The following NRDC variants were observed in gnomAD, a reference collection of about 807,000 sequenced individuals.
The protein encoded by NRDC is nardilysin convertase.
A neutral mutation model predicts 147.1 loss-of-function variants in NRDC; 54 were observed. That is an observed-to-expected ratio of 0.37 (90% confidence interval 0.29 to 0.46). NRDC has a LOEUF of 0.46. NRDC is among the 20% of genes least tolerant of loss of function. The probability of loss-of-function intolerance (pLI) is 1.00; values close to 1 mark genes in which losing one functional copy is unlikely to be tolerated. For synonymous variants in NRDC, 440 were observed against 482.1 expected (o/e 0.91, Z 1.14); for missense variants, 1,082 against 1,370.6 (o/e 0.79, Z 3.33).
chr1:51,827,929 T>C (rs1680516247), intron 4 of NRDC, 60 bp from the exon 5 acceptor site: 1 of 1,272,712 alleles, frequency 7.9e-7, no homozygotes, highest in African/African-American at 1.5e-5. Flanking sequence ...TCAACATCTA[T>C]TATTTTAATT....
chr1:51,790,756 A>C (rs754164873), intron 28 of NRDC, 107 bp from the exon 29 acceptor site: 7 of 976,324 alleles, frequency 7.2e-6, no homozygotes, highest in Non-Finnish European at 1.1e-5. Context: ...CCAGTATAAG[A>C]GGCACGGATG....
intron 4 of NRDC, among the ~76,000 whole-genome samples, chr1:51,828,480 A>C (rs1362434924): frequency 6.6e-6 from 1 of 152,112 alleles, no homozygotes; most frequent in Non-Finnish European, 1.5e-5. Context: ...TTAAAAGTTA[A>C]ATTAGAATTT....
rs751252818 is a variant in NRDC, at chr1:51,798,426, G to GA, written c.2442-16dup. The GA allele has an allele frequency of 1.2e-4, 193 of 1,546,512 alleles. No individual in the cohort carries two copies. The highest frequency in any genetic ancestry group is 3.0e-4 in the East Asian group (13 of 43,782). ...GCCGTACATCTCTGTACAGAGGGCAGAAAAAAAACACTCAAAGTTTTGTTA... is the reference window on the plus strand; with the variant it reads ...GCCGTACATCTCTGTACAGAGGGCAGAAAAAAAAACACTCAAAGTTTTGTTA... On this transcript the variant is annotated splice_polypyrimidine_tract_variant and intron_variant, in intron 21 of 30. Coordinates refer to ENST00000352171, the MANE Select transcript of NRDC (RefSeq NM_001101662.2).
rs1301033970 is a variant in NRDC, at chr1:51,823,756, C to G, written c.1067G>C (p.Arg356Thr). Residue 356 changes from arginine (R) to threonine (T), a missense_variant, in exon 7 of 31, where the codon AGA (arginine) becomes ACA (threonine). Physicochemically the swap from Arg to Thr is moderately conservative, Grantham distance 71. This residue lies in a region of NRDC where 635 missense variants were observed against 923.8 expected (regional missense o/e 0.69). Coordinates refer to ENST00000352171, the MANE Select transcript of NRDC (RefSeq NM_001101662.2). ...GNAETLKHEP[R>T]KNNIDTHARL... ...AGCATGTGTATCAATATTATTCTTT[C>G]TTGGCTCATGCTTGAGCGTCTCAGC... 1.2e-6 allele frequency: 2 copies of G among 1,606,248 alleles called. No homozygotes were observed. Among genetic ancestry groups the G allele is most frequent in the Non-Finnish European group, 1.7e-6 (2 of 1,174,276 alleles).
At chr1:51,843,268 G>A (rs1423418168) in intron 1 of NRDC, among the ~76,000 whole-genome samples, 1 of 147,900 alleles carries the variant, frequency 6.8e-6, no homozygotes, top group Non-Finnish European at 1.5e-5. Context: ...CTATCCACTT[G>A]CCTAAAAGCA....
At chr1:51,789,524 A>AT (rs1256329852) in intron 30 of NRDC, 44 bp downstream of exon 30, 1 of 1,590,846 alleles carries the variant, frequency 6.3e-7, no homozygotes, top group South Asian at 1.1e-5. Context: ...CTCACTCAGT[A>AT]AATGACAACC....
chr1:51,842,182 A>T (rs1372911864), intron 1 of NRDC, among the ~76,000 whole-genome samples: 1 of 151,978 alleles, frequency 6.6e-6, no homozygotes, highest in Non-Finnish European at 1.5e-5. Context: ...AAAAATTAAT[A>T]AATAAATAAT....
At chr1:51,858,332 A>G (rs910532735) in intron 1 of NRDC, among the ~76,000 whole-genome samples, 5 of 152,128 alleles carry the variant, frequency 3.3e-5, no homozygotes, top group African/African-American at 1.2e-4. Flanking sequence ...ATTAAAAATC[A>G]GCTGGATGTG....
intron 20 of NRDC, among the ~76,000 whole-genome samples, chr1:51,803,474 C>CA (rs56122829): frequency 0.039 from 4,966 of 128,820 alleles, 118 homozygotes; most frequent in South Asian, 0.1. Flanking sequence ...GTATCTGTCT[C>CA]AAAAAAAAAA....
At chr1:51,819,915 C>A in intron 8 of NRDC, 42 bp from the exon 9 acceptor site, 1 of 1,422,034 alleles carries the variant, frequency 7.0e-7, no homozygotes, top group East Asian at 2.3e-5. Context: ...CTGGCAAAAG[C>A]CTTTATAAGC....
In NRDC at chr1:51,810,230, C is replaced by T. The variant is rs773261742; in HGVS notation, c.1903+51G>A. The T allele has an allele frequency of 6.6e-6, 9 of 1,355,796 alleles. No homozygotes were observed. In the South Asian group the frequency reaches 1.3e-4, roughly 20 times the overall value. The allele number at this position is 1,355,796 out of a possible 1,614,324, so 84.0% of individuals were successfully genotyped here. A position where few individuals can be genotyped will look rare whatever the true frequency, so the allele number is the denominator to read the frequency against. On this transcript the variant is annotated intron_variant, in intron 16 of 30. Transcript: ENST00000352171. Reference sequence around the variant, plus strand: ...TTAAATTATTAAAGAATAAACATTTCCAGGTAAGTTAAATATACCTAAATG... The same window carrying T: ...TTAAATTATTAAAGAATAAACATTTTCAGGTAAGTTAAATATACCTAAATG...
chr1:51,807,796 CTTTTTT>C (rs35756457), intron 17 of NRDC, among the ~76,000 whole-genome samples: 1 of 127,478 alleles, frequency 7.8e-6, no homozygotes. Context: ...ATAATTAATA[CTTTTTT>C]TTTTTTTTTT....
rs1264185039 is a variant in NRDC, at chr1:51,827,850, G to A, written c.886C>T (p.His296Tyr). 1.9e-6 allele frequency: 3 copies of A among 1,613,836 alleles called. No individual in the cohort carries two copies. Among genetic ancestry groups the A allele is most frequent in the Admixed American group, 1.7e-5 (1 of 60,006 alleles). ...ALDRWAQFFI[H>Y]PLMIRDAIDR... ...ATTGCATCTCTGATCATTAGTGGGT[G>A]GATGAAGAACTGCGCCCATCTGAAC... The change falls in exon 5 of 31, where the codon CAC becomes TAC. Residue 296 changes from histidine (H) to tyrosine (Y), a missense_variant. Around this residue, in one of 3 missense-constraint regions of NRDC, gnomAD observed 635 missense variants for 923.8 expected, o/e 0.69. Transcript: ENST00000352171.
chr1:51,790,474 G>A (rs1678565047), intron 29 of NRDC, 59 bp downstream of exon 29: 4 of 1,018,788 alleles, frequency 3.9e-6, no homozygotes, highest in South Asian at 2.6e-5. Flanking sequence ...GACCTGTGAT[G>A]CCTGTAGAAT....
chr1:51,818,741 G>A (rs560825024), intron 9 of NRDC, among the ~76,000 whole-genome samples: 4 of 152,020 alleles, frequency 2.6e-5, no homozygotes, highest in African/African-American at 4.8e-5. Context: ...GACTGGTAAC[G>A]GGGTGAAGAA....
At chr1:51,795,424 A>C (rs1437283575) in intron 22 of NRDC, 1 of 250,470 alleles carries the variant, frequency 4.0e-6, no homozygotes, top group African/African-American at 2.2e-5. Context: ...CAGGCAGCCT[A>C]TTTCTTCTCT....
intron 4 of NRDC, among the ~76,000 whole-genome samples, chr1:51,831,582 CTTT>C (rs1232005769): frequency 2.8e-5 from 4 of 143,052 alleles, no homozygotes; most frequent in Admixed American, 7.0e-5. Context: ...ATTTATCTTT[CTTT>C]TTTTTTTTTT....
chr1:51,853,213 C>T (rs984017336), intron 1 of NRDC, among the ~76,000 whole-genome samples: 2 of 149,506 alleles, frequency 1.3e-5, no homozygotes, highest in African/African-American at 4.9e-5. Flanking sequence ...GGGAGACTGT[C>T]TCCAAAAAAA....
Position 51,816,314 on chromosome 1 carries a change from T to C in NRDC, c.1437A>G (p.Lys479=), listed in dbSNP as rs1301544884. 1 of 1,590,240 alleles carries C rather than the reference T, an allele frequency of 6.3e-7. No homozygotes were observed. The highest frequency in any genetic ancestry group is 8.6e-7 in the Non-Finnish European group (1 of 1,167,450). The change falls in exon 11 of 31, where the codon AAA becomes AAG. Residue 479 remains lysine (K), a splice_region_variant and synonymous_variant. Coordinates refer to ENST00000352171, the MANE Select transcript of NRDC (RefSeq NM_001101662.2). ...ATACTTATTAATTGAATACTTGCTTTTTCCTAAGGAAAGAAAGAATGCTGC... is the reference window on the plus strand; with the variant it reads ...ATACTTATTAATTGAATACTTGCTTCTTCCTAAGGAAAGAAAGAATGCTGC... The part of the protein sequence containing the change: ...GKGSILSFLR[K]KCWALALFGG...
Sources: gnomAD v4.1 joint callset for allele counts (sites outside exome capture counted in the v4.1 genomes callset) on GRCh38, gnomAD v4.1.1 for gene constraint, gnomAD v4.1.1 regional missense constraint, MANE v1.5 for transcripts, NCBI Gene and HGNC (gene_info 2026-07-23, HGNC 2026-07-21) for gene names.